Variants in CACNA1I observed in about 807,000 individuals in gnomAD.
CACNA1I encodes the protein calcium voltage-gated channel subunit alpha1 I.
In CACNA1I, 74 loss-of-function variants were observed where a neutral mutation model predicts 201.6. The ratio of observed to expected loss-of-function variants is 0.37; its 90% CI spans 0.30 to 0.45. The LOEUF (loss-of-function observed/expected upper bound fraction) is 0.45, where lower values mean the gene tolerates loss of function less well. Ranked by LOEUF, CACNA1I falls within the 20% of genes least tolerant of loss-of-function variation. CACNA1I has a pLI of 1.00. For synonymous variants in CACNA1I, 1,431 were observed against 1,345.2 expected, an observed-to-expected ratio of 1.06 and a Z score of -1.40; for missense variants, 2,346 against 3,138.1, an observed-to-expected ratio of 0.75 and a Z score of 6.03.
In CACNA1I at chr22:39,649,773, C is replaced by T. The variant is rs1201057423; in HGVS notation, c.1840C>T (p.Gln614Ter). ...ELGKEEEEEEQADGAVWLCGD... is the reference protein window; with the variant it reads ...ELGKEEEEEE ...GGGGAAGGAGGAGGAGGAGGAGGAGCAGGCGGATGGGGCGGTCTGGCTGTG... is the reference window on the plus strand; with the variant it reads ...GGGGAAGGAGGAGGAGGAGGAGGAGTAGGCGGATGGGGCGGTCTGGCTGTG... Residue 614 changes from glutamine (Q) to a stop codon, truncating the protein, a stop_gained, in exon 10 of 37, where the codon CAG becomes TAG. Coordinates refer to ENST00000402142, the MANE Select transcript of CACNA1I (RefSeq NM_021096.4). LOFTEE classifies it high-confidence loss of function. This position sits in a 1 kb window ranked among gnomAD's most constrained non-coding sequence, Gnocchi z 7.3. 6.2e-7 allele frequency: 1 copy of T among 1,604,082 alleles called. No individual in the cohort carries two copies. The highest frequency in any genetic ancestry group is 8.5e-7 in the Non-Finnish European group (1 of 1,175,262).
intron 3 of CACNA1I, among the ~76,000 whole-genome samples, chr22:39,600,989 G>A (rs1933015056): frequency 6.6e-6 from 1 of 152,160 alleles, no homozygotes; most frequent in Non-Finnish European, 1.5e-5. Context: ...CCCAATAAAT[G>A]CTAGCTGTTA....
At chr22:39,667,111 G>A (rs775516557) in intron 23 of CACNA1I, among the ~76,000 whole-genome samples, 7 of 152,224 alleles carry the variant, frequency 4.6e-5, no homozygotes, top group Non-Finnish European at 1.0e-4. Flanking sequence ...GCCCTTACCA[G>A]CCGTGTGCCC....
rs1295047408 is a variant in CACNA1I, at chr22:39,673,211, C to T, written c.4783+129C>T. On this transcript the variant is annotated intron_variant, in intron 28 of 36. Coordinates refer to ENST00000402142, the MANE Select transcript of CACNA1I (RefSeq NM_021096.4). ...GGCAGGAGTTTGCAGGCATGGTGGG[C>T]TCCTTGCTGAACAGGGGTGAGAAGG... 10 of 1,022,402 alleles carry T rather than the reference C, an allele frequency of 9.8e-6. No homozygotes were observed. In the African/African-American group the frequency reaches 1.3e-4, roughly 13 times the overall value. The allele number at this position is 1,022,402 out of a possible 1,614,324, so 63.3% of individuals were successfully genotyped here.
In CACNA1I at chr22:39,591,768, C is replaced by T. The variant is rs142000419; in HGVS notation, c.237-6383C>T. Among the ~76,000 whole-genome samples the T allele has an allele frequency of 3.7e-4, 57 of 152,206 alleles. 3 individuals are homozygous for T. In the East Asian group the frequency reaches 0.01, roughly 27 times the overall value. ...AGAGACAGGGTTTCACTGTGTTGGC[C>T]GGGCTGGTCTTGAACTCCTGACCTC... On this transcript the variant is annotated intron_variant, in intron 1 of 36. Transcript: ENST00000402142.
chr22:39,612,050 AAC>A (rs59850953), intron 3 of CACNA1I, among the ~76,000 whole-genome samples: 2,770 of 152,298 alleles, frequency 0.018, 90 homozygotes, highest in African/African-American at 0.063. Context: ...TGCCAAGTGC[AAC>A]AGAGTTGAGA....
chr22:39,601,999 TCCCTCC>T (rs1933069932), intron 3 of CACNA1I, among the ~76,000 whole-genome samples: 1 of 9,326 alleles, frequency 1.1e-4, no homozygotes, highest in African/African-American at 4.7e-4. Context: ...CTTCCTTCCT[TCCCTCC>T]TTCCTTCCTT....
chr22:39,672,101 C>G (rs1935392905), intron 26 of CACNA1I, 98 bp from the exon 27 acceptor site: 1 of 722,026 alleles, frequency 1.4e-6, no homozygotes, highest in South Asian at 1.7e-5. Context: ...AGTAAATGGA[C>G]TAAATTCTCT....
At chr22:39,611,181 A>G (rs1293173434) in intron 3 of CACNA1I, among the ~76,000 whole-genome samples, 1 of 152,174 alleles carries the variant, frequency 6.6e-6, no homozygotes, top group African/African-American at 2.4e-5. Context: ...ATGAACTATC[A>G]TTAACTGACT....
chr22:39,631,071 G>A (rs912968177), intron 4 of CACNA1I, among the ~76,000 whole-genome samples: 1 of 152,196 alleles, frequency 6.6e-6, no homozygotes, highest in African/African-American at 2.4e-5. Flanking sequence ...GGGGCGTATG[G>A]GCTGTTGGAG....
At chr22:39,619,112 G>A (rs539574331) in intron 3 of CACNA1I, among the ~76,000 whole-genome samples, 198 bp from the exon 4 acceptor site, 25 of 152,252 alleles carry the variant, frequency 1.6e-4, no homozygotes, top group African/African-American at 5.5e-4. Context: ...ATCTGTCACC[G>A]GCGCCATTTA....
chr22:39,668,770 T>C (rs752279637), intron 24 of CACNA1I, among the ~76,000 whole-genome samples: 3 of 151,154 alleles, frequency 2.0e-5, no homozygotes, highest in Non-Finnish European at 4.4e-5. Context: ...GAGCCAGGAG[T>C]AGAAAGTGAG....
At chr22:39,638,622 T>G (rs902237533) in intron 5 of CACNA1I, among the ~76,000 whole-genome samples, 6 of 152,236 alleles carry the variant, frequency 3.9e-5, no homozygotes, top group Non-Finnish European at 7.3e-5. Context: ...TTGGCCATTT[T>G]TTATTTCTTC....
In CACNA1I at chr22:39,684,386, G is replaced by A; in HGVS notation, c.5915G>A (p.Ser1972Asn). Residue 1972 changes from serine (S) to asparagine (N), a missense_variant, in exon 36 of 37, where the codon AGC becomes AAC. Physicochemically the swap from Ser to Asn is conservative, Grantham distance 46 (BLOSUM62 1). Coordinates refer to ENST00000402142, the MANE Select transcript of CACNA1I (RefSeq NM_021096.4). The surrounding 1 kb of genome is among the most constrained non-coding windows in gnomAD (Gnocchi z 4.6). ...TTCTTCCACCCTGCAGTGTCTGCCA[G>A]CCAGAAAGGCCCAGAAAAGGGCACT... ...AEFFHPAVSA[S>N]QKGPEKGTGT... The A allele has an allele frequency of 6.2e-7, 1 of 1,613,596 alleles. No homozygotes were observed. The highest frequency in any genetic ancestry group is 8.5e-7 in the Non-Finnish European group (1 of 1,179,844).
chr22:39,599,051 C>T (rs1601806842), intron 2 of CACNA1I, among the ~76,000 whole-genome samples: 1 of 143,654 alleles, frequency 7.0e-6, no homozygotes, highest in Non-Finnish European at 1.5e-5. Context: ...CGGGTTCATG[C>T]CATTCTCCCA....
chr22:39,591,017 A>T (rs1330367981), intron 1 of CACNA1I, among the ~76,000 whole-genome samples: 1 of 116,496 alleles, frequency 8.6e-6, no homozygotes, highest in African/African-American at 3.0e-5. Flanking sequence ...CTAATTAAAA[A>T]ATTTTTTTTT....
Position 39,686,275 on chromosome 22 carries a change from C to G in CACNA1I, c.6542C>G (p.Ala2181Gly). 7.6e-7 allele frequency: 1 copy of G among 1,312,980 alleles called. No homozygotes were observed. The allele number at this position is 1,312,980 out of a possible 1,614,324, so 81.3% of individuals were successfully genotyped here. A position where few individuals can be genotyped will look rare whatever the true frequency, so the allele number is the denominator to read the frequency against. ...AHGLARSPSW[A>G]ADRSKDPPGR... ...GGCCTGGCCCGGAGCCCCTCGTGGGCCGCGGACCGCAGCAAGGACCCCCCC... is the reference window on the plus strand; with the variant it reads ...GGCCTGGCCCGGAGCCCCTCGTGGGGCGCGGACCGCAGCAAGGACCCCCCC... The change falls in exon 37 of 37, where the codon GCC (alanine) becomes GGC (glycine). Residue 2181 changes from alanine (A) to glycine (G), a missense_variant. Transcript: ENST00000402142.
At chr22:39,586,746 C>T (rs1932757554) in intron 1 of CACNA1I, among the ~76,000 whole-genome samples, 2 of 152,152 alleles carry the variant, frequency 1.3e-5, no homozygotes, top group Admixed American at 1.3e-4. Flanking sequence ...GCAGGGGAGA[C>T]ACGCGGCAGA....
At chr22:39,594,648 A>C (rs945519530) in intron 1 of CACNA1I, among the ~76,000 whole-genome samples, 6 of 151,840 alleles carry the variant, frequency 4.0e-5, no homozygotes, top group African/African-American at 1.5e-4. Flanking sequence ...GTTGCCATGG[A>C]AACCAGGTCA....
Position 39,640,918 on chromosome 22 carries a change from G to A in CACNA1I, c.792G>A (p.Glu264=). The change falls in exon 6 of 37, where the codon GAG becomes GAA. Residue 264 remains glutamate (E), a synonymous_variant. Transcript: ENST00000402142. ...PPYYQPEEDD[E]MPFICSLSGD... ...ACTACCAGCCGGAGGAGGATGATGA[G>A]ATGCCCTTCATCTGCTCCCTGTCGG... 1 of 1,613,940 alleles carries A rather than the reference G, an allele frequency of 6.2e-7. No individual in the cohort carries two copies. Among genetic ancestry groups the A allele is most frequent in the Non-Finnish European group, 8.5e-7 (1 of 1,179,850 alleles).
Sources: allele counts gnomAD v4.1 joint callset (sites outside exome capture counted in the v4.1 genomes callset), GRCh38; gene constraint gnomAD v4.1.1; non-coding constraint Gnocchi (gnomAD v3.1); transcripts MANE v1.5; gene names NCBI Gene and HGNC (gene_info 2026-07-23, HGNC 2026-07-21).